The following LAMA1 variants were observed in gnomAD, a reference collection of about 807,000 sequenced individuals.
The protein encoded by LAMA1 is laminin subunit alpha 1.
Under a neutral mutation model 348.7 loss-of-function variants are expected in LAMA1, and 219 were observed. That is an observed-to-expected ratio of 0.63 (90% CI 0.56 to 0.70). The LOEUF is 0.70. Ranked by LOEUF, LAMA1 falls within the 30% of genes least tolerant of loss-of-function variation. LAMA1 has a pLI of 0.00. For synonymous variants in LAMA1, 1,487 were observed against 1,491.0 expected, an observed-to-expected ratio of 1.00 and a Z score of 0.06; for missense variants, 3,744 against 3,888.0, an observed-to-expected ratio of 0.96 and a Z score of 0.99.
rs758353429 is a variant in LAMA1, at chr18:7,016,651, G to A, written c.2829C>T (p.Asp943=). The change falls in exon 21 of 63, where the codon GAC becomes GAT. Residue 943 remains aspartate, a synonymous_variant. Coordinates refer to ENST00000389658, the MANE Select transcript of LAMA1 (RefSeq NM_005559.4). The part of the protein sequence containing the change: ...DQCLHGYYGL[D]SGHGCRPCNC... Reference sequence around the variant, plus strand: ...TGCAGGGCCGGCAGCCATGGCCTGAGTCCAGCCCATAATAGCCATGCTGTT... The same window carrying A: ...TGCAGGGCCGGCAGCCATGGCCTGAATCCAGCCCATAATAGCCATGCTGTT... The A allele has an allele frequency of 2.5e-5, 40 of 1,613,592 alleles. No individual in the cohort carries two copies. Among genetic ancestry groups the A allele is most frequent in the Non-Finnish European group, 3.4e-5 (40 of 1,179,846 alleles).
chr18:6,974,257 A>G (rs1406983288), intron 46 of LAMA1, among the ~76,000 whole-genome samples: 1 of 152,062 alleles, frequency 6.6e-6, no homozygotes, highest in Non-Finnish European at 1.5e-5. Flanking sequence ...TTTTTATTAT[A>G]TATTGTCAAA....
rs777365480 is a variant in LAMA1 at position 7,010,182 on chromosome 18, A to G, written c.3873+18T>C. On this transcript the variant is annotated intron_variant, in intron 26 of 62. Coordinates refer to ENST00000389658, the MANE Select transcript of LAMA1 (RefSeq NM_005559.4). ...TCAATGTCTTTAAGGAACTTCTATG[A>G]AAAGATCCCATTATCACCTCTCTCA... The G allele has an allele frequency of 9.9e-6, 16 of 1,613,684 alleles. No individual in the cohort carries two copies. The highest frequency in any genetic ancestry group is 5.9e-6 in the Non-Finnish European group (7 of 1,179,582).
chr18:6,948,592 A>G lies in LAMA1; in HGVS notation c.8557-36T>C, dbSNP rs962208507. The G allele has an allele frequency of 4.3e-6, 7 of 1,613,498 alleles. No homozygotes were observed. In the African/African-American group the frequency reaches 9.3e-5, roughly 22 times the overall value. On this transcript the variant is annotated intron_variant, in intron 59 of 62. Transcript: ENST00000389658. ...TGACATGCAAGAGTAGACAGTGGTG[A>G]TTCTAATGGGAAGGGTTTGGACACA... is the stretch of plus-strand genomic sequence containing the variant.
chr18:6,995,473 C>T (rs754534811), intron 33 of LAMA1, 27 bp from the exon 34 acceptor site: 6 of 1,190,638 alleles, frequency 5.0e-6, no homozygotes, highest in South Asian at 1.2e-5. Flanking sequence ...AAACAAATTA[C>T]AATGCTTCGA....
chr18:7,033,489 G>C (rs770795992), intron 14 of LAMA1, among the ~76,000 whole-genome samples: 1 of 149,698 alleles, frequency 6.7e-6, no homozygotes, highest in Non-Finnish European at 1.5e-5. Flanking sequence ...TCCAATAAAA[G>C]GGTGATGTGA....
intron 48 of LAMA1, among the ~76,000 whole-genome samples, chr18:6,969,749 C>T (rs1219645545): frequency 6.6e-6 from 1 of 152,078 alleles, no homozygotes; most frequent in Non-Finnish European, 1.5e-5. Flanking sequence ...CATCTTTGAC[C>T]CAAAGGTCCA....
rs201552037 is a variant in LAMA1, at chr18:6,949,052, A to C, written c.8556+49T>G. The C allele has an allele frequency of 2.5e-3, 3,959 of 1,610,894 alleles. 90 individuals are homozygous for C. In the African/African-American group the frequency reaches 0.047, roughly 19 times the overall value. ...GTGAGGTATGCTCTTCTACAAAATA[A>C]ACACGAACACAACGAAGGTAAAATG... is the stretch of plus-strand genomic sequence containing the variant. On this transcript the variant is annotated intron_variant, in intron 59 of 62. Transcript: ENST00000389658.
At chr18:6,978,403 T>G (rs1160106337) in intron 42 of LAMA1, 25 bp from the exon 43 acceptor site, 3 of 1,599,044 alleles carry the variant, frequency 1.9e-6, no homozygotes, top group Non-Finnish European at 2.6e-6. Context: ...TATAAAAGCA[T>G]GCACTTCTGG....
chr18:7,010,064 C>T, intron 26 of LAMA1, 136 bp downstream of exon 26: 1 of 967,578 alleles, frequency 1.0e-6, no homozygotes, highest in Non-Finnish European at 1.6e-6. Context: ...ACCTCGGCTT[C>T]TCAAAGTGGT....
chr18:7,076,783 T>A (rs573165066), intron 3 of LAMA1: 1 of 152,178 alleles, frequency 6.6e-6, no homozygotes, highest in African/African-American at 2.4e-5. Flanking sequence ...AATGGTATGG[T>A]ATCTAATCAG....
At chr18:7,085,627 C>A (rs1431870269) in intron 1 of LAMA1, among the ~76,000 whole-genome samples, 1 of 151,950 alleles carries the variant, frequency 6.6e-6, no homozygotes, top group Non-Finnish European at 1.5e-5. Flanking sequence ...ACCACGTTAG[C>A]CAGGATGGTC....
chr18:7,009,836 T>C (rs1170064778), intron 26 of LAMA1, among the ~76,000 whole-genome samples: 1 of 152,172 alleles, frequency 6.6e-6, no homozygotes, highest in African/African-American at 2.4e-5. Context: ...TCTTGCTCGG[T>C]CTCTCTGTCG....
chr18:7,067,871 G>C (rs80064674), intron 3 of LAMA1, among the ~76,000 whole-genome samples: 1 of 127,162 alleles, frequency 7.9e-6, no homozygotes, highest in South Asian at 2.4e-4. Context: ...TTTTTTTTTT[G>C]AGACGGCGTT....
intron 1 of LAMA1, among the ~76,000 whole-genome samples, chr18:7,108,979 G>GAAACAAC (rs2058325265): frequency 2.0e-5 from 3 of 152,146 alleles, no homozygotes; most frequent in African/African-American, 7.2e-5. Flanking sequence ...AAGAGTTCTG[G>GAAACAAC]AAACAACTAT....
Position 6,999,962 on chromosome 18 carries a change from T to C in LAMA1, c.4418A>G (p.Asp1473Gly), listed in dbSNP as rs1041956093. The change falls in exon 31 of 63, where the codon GAT becomes GGT. Residue 1473 changes from aspartate (D) to glycine (G), a missense_variant. By Grantham distance (94) the Asp-to-Gly change is moderately conservative. Around this residue, in one of 3 missense-constraint regions of LAMA1, gnomAD observed 1,983 missense variants for 1,934.3 expected, o/e 1.03. Transcript: ENST00000389658. ...SPTCVLEGDH[D>G]FRCDACLLGY... ...CAGGAGACAGGCGTCACAACGGAAA[T>C]CGTGGTCCCCTTCCAAGACACAAGT... 1.2e-5 allele frequency: 20 copies of C among 1,613,948 alleles called. No individual in the cohort carries two copies. Among genetic ancestry groups the C allele is most frequent in the African/African-American group, 4.0e-5 (3 of 74,896 alleles).
chr18:7,023,135 C>A, intron 19 of LAMA1, 29 bp downstream of exon 19: 1 of 1,600,176 alleles, frequency 6.2e-7, no homozygotes, highest in African/African-American at 1.3e-5. Flanking sequence ...CAATAAACAG[C>A]TGACCTGACT....
intron 25 of LAMA1, 49 bp downstream of exon 25, chr18:7,011,251 G>A (rs770084010): frequency 1.9e-6 from 3 of 1,583,762 alleles, no homozygotes; most frequent in Admixed American, 3.5e-5. Flanking sequence ...AACAATTTCT[G>A]TATATCCTAG....
At position 7,025,313 on chromosome 18, in the gene LAMA1, G is replaced by C. The variant is rs116436317; in HGVS notation, c.2402+666C>G. On this transcript the variant is annotated intron_variant, in intron 17 of 62. Coordinates refer to ENST00000389658, the MANE Select transcript of LAMA1 (RefSeq NM_005559.4). ...TGGCACGCCCAGCTCCATCTGCCTA[G>C]AACGCCCGTCTATGCTGCCTGTGAA... Among the ~76,000 whole-genome samples the C allele has an allele frequency of 2.3e-3, 351 of 152,244 alleles. 2 individuals are homozygous for C. The highest frequency in any genetic ancestry group is 8.0e-3 in the African/African-American group (333 of 41,546).
At chr18:7,057,425 T>C (rs536770929) in intron 3 of LAMA1, among the ~76,000 whole-genome samples, 1 of 152,062 alleles carries the variant, frequency 6.6e-6, no homozygotes, top group Non-Finnish European at 1.5e-5. Context: ...TTTTCCACCC[T>C]TTCACTTTAA....
Sources: allele counts gnomAD v4.1 joint callset (sites outside exome capture counted in the v4.1 genomes callset), GRCh38; gene constraint gnomAD v4.1.1; regional missense constraint gnomAD v4.1.1; transcripts MANE v1.5; gene names NCBI Gene and HGNC (gene_info 2026-07-23, HGNC 2026-07-21).